The following USP33 variants were observed in gnomAD, a reference collection of about 807,000 sequenced individuals.
USP33 encodes ubiquitin specific peptidase 33.
In USP33, 46 loss-of-function variants were observed where a neutral mutation model predicts 124.2. The ratio of observed to expected loss-of-function variants is 0.37; its 90% CI spans 0.29 to 0.47. USP33 has a LOEUF of 0.47. USP33 is among the 20% of genes least tolerant of loss of function. USP33 has a pLI of 0.99. For synonymous variants in USP33, 350 were observed against 352.3 expected (o/e 0.99, Z 0.07); for missense variants, 851 against 1,070.6 (o/e 0.79, Z 2.86).
chr1:77,750,440 C>T (rs989548552), intron 1 of USP33, among the ~76,000 whole-genome samples: 4 of 152,178 alleles, frequency 2.6e-5, no homozygotes, highest in Middle Eastern at 3.4e-3. Flanking sequence ...CAAGACCAGC[C>T]TGGGCAACAT....
At position 77,759,849 on chromosome 1, in the gene USP33, C is replaced by T. The variant is rs958398724; in HGVS notation, c.-258G>A. 28 of 395,874 alleles carry T rather than the reference C, an allele frequency of 7.1e-5. No homozygotes were observed. Among genetic ancestry groups the T allele is most frequent in the East Asian group, 3.9e-4 (11 of 27,974 alleles). 24.5% of individuals were successfully genotyped at this position (395,874 alleles called of 1,614,324 possible). On this transcript the variant is annotated 5_prime_UTR_variant, in exon 1 of 24. Transcript: ENST00000370794. ...CAGCAGCCGCGGCTCCTTCCGGTGTCTCCGGGGCCGCCGCAGGCGTCTCCG... is the reference window on the plus strand; with the variant it reads ...CAGCAGCCGCGGCTCCTTCCGGTGTTTCCGGGGCCGCCGCAGGCGTCTCCG...
At chr1:77,732,278 C>T (rs2101487634) in intron 7 of USP33, among the ~76,000 whole-genome samples, 1 of 152,216 alleles carries the variant, frequency 6.6e-6, no homozygotes, top group South Asian at 2.1e-4. Context: ...AATCTCCTCT[C>T]CCTTTCTCTA....
chr1:77,759,236 A>G, intron 1 of USP33: 1 of 196,324 alleles, frequency 5.1e-6, no homozygotes, highest in Non-Finnish European at 1.0e-5. Context: ...AAGCGAAACC[A>G]GAACCCAGGA....
intron 1 of USP33, among the ~76,000 whole-genome samples, chr1:77,758,650 G>A (rs1681028752): frequency 6.6e-6 from 1 of 152,054 alleles, no homozygotes; most frequent in African/African-American, 2.4e-5. Context: ...AAATCAAATA[G>A]CCTATGACGA....
chr1:77,703,989 T>A (rs1012392645), intron 21 of USP33, among the ~76,000 whole-genome samples: 3 of 152,086 alleles, frequency 2.0e-5, no homozygotes, highest in African/African-American at 7.2e-5. Flanking sequence ...GGCACACGCC[T>A]ATAGTCTCAG....
chr1:77,741,840 A>T, intron 1 of USP33, 92 bp from the exon 2 acceptor site: 2 of 1,108,418 alleles, frequency 1.8e-6, no homozygotes, highest in Non-Finnish European at 2.5e-6. Context: ...ATGTTAACAT[A>T]TTAAAAATGA....
intron 1 of USP33, chr1:77,745,355 T>C (rs1679635948): frequency 6.6e-6 from 1 of 152,314 alleles, no homozygotes; most frequent in Non-Finnish European, 1.5e-5. Context: ...AGCACACTGA[T>C]GGGTCTTGAC....
At position 77,714,799 on chromosome 1, in the gene USP33, ATTAG is replaced by A. The variant is rs766728071; in HGVS notation, c.2046-20_2046-17del. 14 of 1,605,654 alleles carry A rather than the reference ATTAG, an allele frequency of 8.7e-6. No homozygotes were observed. The highest frequency in any genetic ancestry group is 5.4e-5 in the African/African-American group (4 of 74,298). On this transcript the variant is annotated splice_polypyrimidine_tract_variant and intron_variant, in intron 18 of 23. Transcript: ENST00000370794. Reference sequence around the variant, plus strand: ...GCTGCTCTTCCTATTAAGGACAATGATTAGTTAAATTCAATATGCATTTTACTAC... The same window carrying A: ...GCTGCTCTTCCTATTAAGGACAATGATTAAATTCAATATGCATTTTACTAC...
chr1:77,751,107 A>T (rs1388039881), intron 1 of USP33, among the ~76,000 whole-genome samples: 1 of 152,230 alleles, frequency 6.6e-6, no homozygotes, highest in African/African-American at 2.4e-5. Context: ...CTCCTGTAGA[A>T]GCTTGTGACT....
At position 77,697,421 on chromosome 1, in the gene USP33, A is replaced by G; in HGVS notation, c.2632T>C (p.Tyr878His). 6.2e-7 allele frequency: 1 copy of G among 1,612,090 alleles called. No homozygotes were observed. Among genetic ancestry groups the G allele is most frequent in the Non-Finnish European group, 8.5e-7 (1 of 1,179,550 alleles). Residue 878 changes from tyrosine to histidine, a missense_variant, in exon 24 of 24, where the codon TAT (tyrosine) becomes CAT (histidine). Tyr to His is a moderately conservative substitution (Grantham distance 83, BLOSUM62 2). Coordinates refer to ENST00000370794, the MANE Select transcript of USP33 (RefSeq NM_201624.3). ...AGGATAACTTCAGGCCCTCCACCAT[A>G]AATAGACTGCAGAAAATTCCATGTT... is the stretch of plus-strand genomic sequence containing the variant. ...EETWNFLQSIYGGGPEVILRP... is the reference protein window; with the variant it reads ...EETWNFLQSIHGGGPEVILRP...
intron 23 of USP33, 156 bp downstream of exon 23, chr1:77,697,707 A>T (rs1557803668): frequency 3.7e-6 from 3 of 817,748 alleles, no homozygotes; most frequent in Non-Finnish European, 5.5e-6. Context: ...TTCCTCAGAT[A>T]AAAAAAAAGT....
At chr1:77,720,603 G>A in intron 15 of USP33, 2 of 985,390 alleles carry the variant, frequency 2.0e-6, no homozygotes, top group Non-Finnish European at 2.4e-6. Flanking sequence ...CAGAGATTGA[G>A]AAGAAATTTC....
At chr1:77,743,141 C>G (rs1219175390) in intron 1 of USP33, among the ~76,000 whole-genome samples, 1 of 151,906 alleles carries the variant, frequency 6.6e-6, no homozygotes, top group Non-Finnish European at 1.5e-5. Context: ...GATGGGGTTT[C>G]TCCATGTTGG....
chr1:77,736,110 C>T lies in USP33; in HGVS notation c.400G>A (p.Val134Ile), dbSNP rs1287365636. The T allele has an allele frequency of 3.1e-6, 5 of 1,613,048 alleles. No individual in the cohort carries two copies. The highest frequency in any genetic ancestry group is 3.4e-6 in the Non-Finnish European group (4 of 1,179,516). Residue 134 changes from valine to isoleucine, a missense_variant, in exon 6 of 24, where the codon GTA (valine) becomes ATA (isoleucine). Transcript: ENST00000370794. ...GCTTCTATATCCAGATCATCAAATACGGCAACCAGAGGAGTTTTTAATGTT... is the reference window on the plus strand; with the variant it reads ...GCTTCTATATCCAGATCATCAAATATGGCAACCAGAGGAGTTTTTAATGTT... ...NTTLKTPLVAVFDDLDIEADE... is the reference protein window; with the variant it reads ...NTTLKTPLVAIFDDLDIEADE...
At chr1:77,734,639 C>T (rs533704861) in intron 6 of USP33, among the ~76,000 whole-genome samples, 5 of 152,306 alleles carry the variant, frequency 3.3e-5, no homozygotes, top group Admixed American at 2.6e-4. Context: ...GAAATTTGCA[C>T]AGGAAGAACA....
rs1679051073 is a variant in USP33 at position 77,740,948 on chromosome 1, A to T, written c.136-9T>A. The T allele has an allele frequency of 2.0e-6, 3 of 1,515,396 alleles. No homozygotes were observed. The South Asian group carries it at 3.8e-5, about 19-fold the overall frequency. 93.9% of individuals were successfully genotyped at this position (1,515,396 alleles called of 1,614,324 possible). A position where few individuals can be genotyped will look rare whatever the true frequency, so the allele number is the denominator to read the frequency against. On this transcript the variant is annotated splice_polypyrimidine_tract_variant and intron_variant, in intron 3 of 23. Transcript: ENST00000370794. ...ACATATGAACATCTATTCTATAAAT[A>T]ATTATATAGGAAGAAAAATAAGGTA... is the stretch of plus-strand genomic sequence containing the variant.
chr1:77,704,845 C>T (rs1050244087), intron 21 of USP33, among the ~76,000 whole-genome samples: 8 of 152,116 alleles, frequency 5.3e-5, no homozygotes, highest in African/African-American at 1.9e-4. Flanking sequence ...AATCATACTT[C>T]ACATGGTCTA....
intron 3 of USP33, 126 bp downstream of exon 3, chr1:77,741,250 G>A (rs1679084037): frequency 2.2e-6 from 2 of 900,336 alleles, no homozygotes; most frequent in Non-Finnish European, 3.3e-6. Context: ...TATTAATAAT[G>A]ACCTTTTAAA....
rs139228998 is a variant in USP33, at chr1:77,714,623, T to C, written c.2206A>G (p.Ile736Val). Reference sequence around the variant, plus strand: ...TTACAGGAGTTCTTACCTCCATGAATACAAAGAAAGTCATTATTTGAAATA... The same window carrying C: ...TTACAGGAGTTCTTACCTCCATGAACACAAAGAAAGTCATTATTTGAAATA... ...GPISNNDFLC[I>V]HGGVPPRKAG... The change falls in exon 19 of 24, where the codon ATT (isoleucine) becomes GTT (valine). Residue 736 changes from isoleucine to valine, a missense_variant. Transcript: ENST00000370794. 105 of 1,612,502 alleles carry C rather than the reference T, an allele frequency of 6.5e-5. No individual in the cohort carries two copies. Among genetic ancestry groups the C allele is most frequent in the Non-Finnish European group, 8.4e-5 (99 of 1,179,774 alleles).
Sources: allele counts gnomAD v4.1 joint callset (sites outside exome capture counted in the v4.1 genomes callset), GRCh38; gene constraint gnomAD v4.1.1; transcripts MANE v1.5; gene names NCBI Gene and HGNC (gene_info 2026-07-23, HGNC 2026-07-21).